Variants in PIGG observed in about 807,000 individuals in gnomAD.
The protein encoded by PIGG is GPI ethanolamine phosphate transferase 2, catalytic subunit.
PIGG carries 70 observed loss-of-function variants against 83.2 expected under a neutral mutation model. The observed-to-expected ratio is 0.84, with a 90% confidence interval of 0.69 to 1.03. The LOEUF is 1.03. Among genes scored for constraint, PIGG ranks in the 50% least tolerant of loss-of-function variants. The probability of loss-of-function intolerance (pLI) is 0.00; values close to 1 mark genes in which losing one functional copy is unlikely to be tolerated. For synonymous variants in PIGG, 532 were observed against 519.5 expected (o/e 1.02, Z -0.33); for missense variants, 1,257 against 1,233.6 (o/e 1.02, Z -0.28).
At chr4:513,081 G>A (rs1455143825) in intron 5 of PIGG, among the ~76,000 whole-genome samples, 1 of 152,198 alleles carries the variant, frequency 6.6e-6, no homozygotes, top group African/African-American at 2.4e-5. Context: ...TTCAAGGGCT[G>A]CAGACTCTTA....
intron 4 of PIGG, among the ~76,000 whole-genome samples, chr4:508,304 G>A (rs994775516): frequency 2.6e-4 from 40 of 152,210 alleles, no homozygotes; most frequent in South Asian, 2.1e-4. Context: ...GTCTGTGCAC[G>A]AGTGTTCCAG....
At position 522,482 on chromosome 4, in the gene PIGG, G is replaced by A. The variant is rs779369849; in HGVS notation, c.1614+541G>A. 1.8e-4 allele frequency: 35 copies of A among 195,234 alleles called. No individual in the cohort carries two copies. The Middle Eastern group carries it at 0.012, about 69-fold the overall frequency. The allele number at this position is 195,234 out of a possible 1,614,324, so 12.1% of individuals were successfully genotyped here. A position where few individuals can be genotyped will look rare whatever the true frequency, so the allele number is the denominator to read the frequency against. On this transcript the variant is annotated intron_variant, in intron 8 of 12. Transcript: ENST00000453061. ...TCCTTGGCCTCGGACACCTTCATTC[G>A]TTAGCTGGGGAGTGGTGGTGAGGCA...
At chr4:506,720 G>C (rs186258415) in intron 3 of PIGG, 4 of 455,128 alleles carry the variant, frequency 8.8e-6, no homozygotes, top group Non-Finnish European at 1.8e-5. Flanking sequence ...ATTGGGGGCT[G>C]ATCAACTGCT....
intron 6 of PIGG, 39 bp from the exon 7 acceptor site, chr4:521,015 GGT>G: frequency 7.6e-7 from 1 of 1,323,326 alleles, no homozygotes; most frequent in Non-Finnish European, 1.1e-6. Flanking sequence ...GTATGTTCAC[GGT>G]GTGTGTGCGC....
At position 523,706 on chromosome 4, in the gene PIGG, C is replaced by T. The variant is rs201186795; in HGVS notation, c.1862C>T (p.Ala621Val). 2.6e-4 allele frequency: 418 copies of T among 1,614,044 alleles called. No individual in the cohort carries two copies. Among genetic ancestry groups the T allele is most frequent in the Non-Finnish European group, 3.3e-4 (388 of 1,180,034 alleles). Reference sequence around the variant, plus strand: ...CAAGGGCATGACGGGGCCACAGCAGCGTGGCAGGACGGGCCTGGCTGTGAT... The same window carrying T: ...CAAGGGCATGACGGGGCCACAGCAGTGTGGCAGGACGGGCCTGGCTGTGAT... ...VEQGHDGATA[A>V]WQDGPGCDVL... The change falls in exon 9 of 13, where the codon GCG becomes GTG. Residue 621 changes from alanine to valine, a missense_variant. Physicochemically the swap from Ala to Val is moderately conservative, Grantham distance 64. Coordinates refer to ENST00000453061, the MANE Select transcript of PIGG (RefSeq NM_001127178.3).
chr4:510,381 C>T (rs201463520), intron 5 of PIGG, among the ~76,000 whole-genome samples: 2 of 152,202 alleles, frequency 1.3e-5, no homozygotes, highest in Admixed American at 6.5e-5. Context: ...TGCCTTTAAG[C>T]GGTTTTCCAC....
chr4:534,111 C>T, intron 12 of PIGG, 130 bp downstream of exon 12: 2 of 786,780 alleles, frequency 2.5e-6, no homozygotes, highest in Non-Finnish European at 4.0e-6. Context: ...GTTTTCTTTT[C>T]CTTAAATAGG....
At chr4:530,254 G>C (rs1728703355) in intron 10 of PIGG, among the ~76,000 whole-genome samples, 182 bp from the exon 11 acceptor site, 2 of 152,188 alleles carry the variant, frequency 1.3e-5, no homozygotes, top group African/African-American at 4.8e-5. Context: ...CTGCTGTGCG[G>C]AGGAGACATG....
intron 5 of PIGG, among the ~76,000 whole-genome samples, chr4:512,162 A>G (rs1451653845): frequency 2.6e-5 from 4 of 151,138 alleles, no homozygotes; most frequent in African/African-American, 4.9e-5. Flanking sequence ...TTCTTCTGCC[A>G]GTTCAAGTCT....
chr4:535,435 G>C (rs780816986), intron 12 of PIGG, among the ~76,000 whole-genome samples: 1 of 152,194 alleles, frequency 6.6e-6, no homozygotes, highest in African/African-American at 2.4e-5. Context: ...ACCGCGGCCC[G>C]GCCTCCTCCC....
chr4:534,651 T>C (rs1053837251), intron 12 of PIGG, among the ~76,000 whole-genome samples: 2 of 152,342 alleles, frequency 1.3e-5, no homozygotes, highest in South Asian at 4.1e-4. Context: ...CCAGTGAGCC[T>C]GAGGTCTCCT....
chr4:521,864 G>A lies in PIGG; in HGVS notation c.1537G>A (p.Val513Met). 6.2e-7 allele frequency: 1 copy of A among 1,614,222 alleles called. No individual in the cohort carries two copies. Among genetic ancestry groups the A allele is most frequent in the Non-Finnish European group, 8.5e-7 (1 of 1,180,036 alleles). ...LSWLAAGGVM[V>M]LASALLCVIV... is the part of the protein sequence containing the mutation. ...GTGGCTGGCGGCAGGTGGGGTGATG[G>A]TGCTGGCCTCGGCGCTGCTGTGTGT... Residue 513 changes from valine to methionine, a missense_variant, in exon 8 of 13, where the codon GTG becomes ATG. By Grantham distance (21) the Val-to-Met change is conservative. Transcript: ENST00000453061.
intron 2 of PIGG, chr4:502,079 C>G (rs1220449098): frequency 6.6e-6 from 1 of 152,218 alleles, no homozygotes; most frequent in African/African-American, 2.4e-5. Context: ...TCTGCTCTAT[C>G]AGAAGTGTGG....
chr4:530,070 T>TA (rs1464996085), intron 10 of PIGG, among the ~76,000 whole-genome samples: 1 of 152,246 alleles, frequency 6.6e-6, no homozygotes, highest in African/African-American at 2.4e-5. Context: ...AGTTGACTCT[T>TA]ATACTAGTGC....
chr4:499,564 G>T, intron 1 of PIGG, 75 bp downstream of exon 1: 2 of 1,467,974 alleles, frequency 1.4e-6, no homozygotes, highest in South Asian at 2.6e-5. Context: ...GAGCCTCGCT[G>T]CTCGGATTTC....
chr4:516,989 CAG>C (rs959072969), intron 6 of PIGG, among the ~76,000 whole-genome samples: 12 of 152,012 alleles, frequency 7.9e-5, no homozygotes, highest in African/African-American at 1.9e-4. Flanking sequence ...GGGCAGCAGA[CAG>C]GGTCCTCCAT....
intron 2 of PIGG, among the ~76,000 whole-genome samples, chr4:504,635 A>T (rs1553877664): frequency 6.6e-6 from 1 of 152,142 alleles, no homozygotes; most frequent in African/African-American, 2.4e-5. Context: ...ATCGTTAAAG[A>T]TGTCTCGGTA....
intron 12 of PIGG, among the ~76,000 whole-genome samples, chr4:534,588 AGCTGCGTCTGGCCTGCCCTCCAT>A (rs1285394563): frequency 1.3e-5 from 2 of 152,246 alleles, no homozygotes; most frequent in African/African-American, 4.8e-5. Context: ...AGTCCCTTCA[AGCTGCGTCTGGCCTGCCCTCCAT>A]GCTCTCCTGC....
intron 10 of PIGG, chr4:527,509 A>G (rs1212117724): frequency 8.3e-7 from 1 of 1,204,670 alleles, no homozygotes; most frequent in African/African-American, 1.6e-5. Flanking sequence ...TAAATTTAAA[A>G]TAAAACCTTC....
Sources: allele counts gnomAD v4.1 joint callset (sites outside exome capture counted in the v4.1 genomes callset), GRCh38; gene constraint gnomAD v4.1.1; transcripts MANE v1.5; gene names NCBI Gene and HGNC (gene_info 2026-07-23, HGNC 2026-07-21).